PITPNC1: variants seen among roughly 807,000 people sequenced by gnomAD.
PITPNC1 encodes the protein phosphatidylinositol transfer protein cytoplasmic 1, also known as cytoplasmic phosphatidylinositol transfer protein 1.
PITPNC1 carries 18 observed loss-of-function variants against 44.7 expected under a neutral mutation model. The ratio of observed to expected loss-of-function variants is 0.40; its 90% CI spans 0.28 to 0.60. PITPNC1 has a LOEUF of 0.60. Ranked by LOEUF, PITPNC1 falls within the 20% of genes least tolerant of loss-of-function variation. The pLI, the probability that PITPNC1 is intolerant of heterozygous loss-of-function variation, is 0.39. For missense variants in PITPNC1, 290 were observed against 418.4 expected (o/e 0.69, Z 2.68); for synonymous variants, 141 against 149.6 (o/e 0.94, Z 0.42).
intron 5 of PITPNC1, among the ~76,000 whole-genome samples, chr17:67,627,313 A>G (rs1332334199): frequency 6.6e-6 from 1 of 152,202 alleles, no homozygotes; most frequent in Non-Finnish European, 1.5e-5. Context: ...GGGTTCCTCA[A>G]TGTGATTTTT....
chr17:67,393,435 T>C (rs905261522), intron 1 of PITPNC1, among the ~76,000 whole-genome samples: 3 of 152,074 alleles, frequency 2.0e-5, no homozygotes, highest in African/African-American at 7.2e-5. Context: ...TTATTACTTA[T>C]CATTAAACTC....
chr17:67,538,108 T>G (rs556431672), intron 2 of PITPNC1, among the ~76,000 whole-genome samples: 1 of 152,140 alleles, frequency 6.6e-6, no homozygotes. Flanking sequence ...ATTAAGGCAG[T>G]GGGGTACTAG....
At chr17:67,595,553 GC>G (rs140408089) in intron 5 of PITPNC1, among the ~76,000 whole-genome samples, 2,401 of 151,840 alleles carry the variant, frequency 0.016, 24 homozygotes, top group Middle Eastern at 0.027. Context: ...AGCAATTTCT[GC>G]CTTTTGATGC....
intron 1 of PITPNC1, among the ~76,000 whole-genome samples, chr17:67,385,119 T>A (rs12940849): frequency 0.047 from 7,227 of 152,308 alleles, 252 homozygotes; most frequent in Middle Eastern, 0.14. Flanking sequence ...CCAGTTGGAC[T>A]TCTTGGTCCG....
chr17:67,437,117 G>A (rs541673307), intron 1 of PITPNC1, among the ~76,000 whole-genome samples: 5 of 151,384 alleles, frequency 3.3e-5, no homozygotes, highest in African/African-American at 9.7e-5. Context: ...ACAGGGTTTC[G>A]CCATGTTGCC....
At chr17:67,550,656 C>T (rs1414044249) in intron 2 of PITPNC1, among the ~76,000 whole-genome samples, 1 of 152,004 alleles carries the variant, frequency 6.6e-6, no homozygotes, top group Non-Finnish European at 1.5e-5. Flanking sequence ...TGGATCCGAT[C>T]GACTGCTAGG....
At chr17:67,601,249 C>T (rs991635489) in intron 5 of PITPNC1, among the ~76,000 whole-genome samples, 2 of 152,088 alleles carry the variant, frequency 1.3e-5, no homozygotes, top group African/African-American at 4.8e-5. Flanking sequence ...AGATCACGTA[C>T]AAAGGGACAA....
intron 1 of PITPNC1, among the ~76,000 whole-genome samples, chr17:67,470,561 C>T (rs181685586): frequency 1.2e-4 from 17 of 146,606 alleles, no homozygotes; most frequent in Admixed American, 8.8e-4. Flanking sequence ...CCATATTCCC[C>T]GTCCGGGAGG....
intron 4 of PITPNC1, among the ~76,000 whole-genome samples, chr17:67,563,833 G>C (rs114101296): frequency 3.5e-3 from 527 of 152,190 alleles, no homozygotes; most frequent in African/African-American, 0.012. Context: ...ATTAGTCAAG[G>C]TTCTCCAGAG....
intron 4 of PITPNC1, among the ~76,000 whole-genome samples, chr17:67,556,771 C>T (rs2040843316): frequency 6.6e-6 from 1 of 152,160 alleles, no homozygotes; most frequent in Non-Finnish European, 1.5e-5. Flanking sequence ...CTTCCTGCCT[C>T]AGTTAGGATT....
rs116611952 is a variant in PITPNC1, at chr17:67,399,613, G to A, written c.48+21411G>A. Among the ~76,000 whole-genome samples, 319 of 152,284 alleles carry A rather than the reference G, an allele frequency of 2.1e-3. 1 individual carries two copies. Among genetic ancestry groups the A allele is most frequent in the African/African-American group, 7.4e-3 (308 of 41,566 alleles). ...GTAATAAGTCATTAGCAAAAAAAGT[G>A]AAAGAATGTGCATTAAAATGATGTA... On this transcript the variant is annotated intron_variant, in intron 1 of 8. Transcript: ENST00000581322.
At chr17:67,683,188 G>C (rs1467517692) in intron 8 of PITPNC1, among the ~76,000 whole-genome samples, 1 of 109,490 alleles carries the variant, frequency 9.1e-6, no homozygotes, top group Non-Finnish European at 1.8e-5. Context: ...AAAAAAAAAA[G>C]AGTTGATACA....
At chr17:67,683,084 C>A (rs1255638896) in intron 8 of PITPNC1, among the ~76,000 whole-genome samples, 1 of 146,822 alleles carries the variant, frequency 6.8e-6, no homozygotes, top group Non-Finnish European at 1.5e-5. Context: ...CGCTTGAACC[C>A]GGAAGGCCGA....
intron 1 of PITPNC1, among the ~76,000 whole-genome samples, chr17:67,485,175 C>T (rs982617242): frequency 1.3e-5 from 2 of 151,848 alleles, no homozygotes; most frequent in Non-Finnish European, 2.9e-5. Flanking sequence ...TCTTCATATA[C>T]GTATGTATGC....
chr17:67,487,606 C>G (rs1442735277), intron 1 of PITPNC1, among the ~76,000 whole-genome samples: 1 of 152,180 alleles, frequency 6.6e-6, no homozygotes. Flanking sequence ...AATCCAACTT[C>G]TGTTGAATGA....
Position 67,697,185 on chromosome 17 carries a change from C to G in PITPNC1, c.*4297C>G, listed in dbSNP as rs1323706092. On this transcript the variant is annotated 3_prime_UTR_variant, in exon 9 of 9. Transcript: ENST00000581322. ...TTGTGGCTGTTCTGTGTTTTTCTTC[C>G]TAGTTATTTATTATTGTTAATAACT... The G allele has an allele frequency of 1.3e-5, 2 of 150,972 alleles. No homozygotes were observed. Among genetic ancestry groups the G allele is most frequent in the Non-Finnish European group, 2.9e-5 (2 of 67,834 alleles). The allele number at this position is 150,972 out of a possible 1,614,324, so 9.4% of individuals were successfully genotyped here. A position where few individuals can be genotyped will look rare whatever the true frequency, so the allele number is the denominator to read the frequency against.
At chr17:67,682,883 C>T (rs12602589) in intron 8 of PITPNC1, among the ~76,000 whole-genome samples, 8,990 of 152,098 alleles carry the variant, frequency 0.059, 438 homozygotes, top group East Asian at 0.27. Context: ...GAGTTTGGGC[C>T]GGGTGTGGTG....
chr17:67,580,575 A>C (rs2041216774), intron 5 of PITPNC1, among the ~76,000 whole-genome samples: 1 of 152,116 alleles, frequency 6.6e-6, no homozygotes, highest in Non-Finnish European at 1.5e-5. Context: ...TCCTGGACTC[A>C]AGCAATCTGC....
intron 6 of PITPNC1, among the ~76,000 whole-genome samples, chr17:67,633,849 G>A (rs1456452056): frequency 1.3e-5 from 2 of 152,220 alleles, no homozygotes; most frequent in East Asian, 3.9e-4. Context: ...GGGAGCTCTG[G>A]GCCTTCCAGG....
Sources: gnomAD v4.1 joint callset for allele counts (sites outside exome capture counted in the v4.1 genomes callset) on GRCh38, gnomAD v4.1.1 for gene constraint, MANE v1.5 for transcripts, NCBI Gene and HGNC (gene_info 2026-07-23, HGNC 2026-07-21) for gene names.